The following FAM98A variants were observed in gnomAD, a reference collection of about 807,000 sequenced individuals.
The protein encoded by FAM98A is tRNA splicing ligase complex subunit 3A.
Under a neutral mutation model 62.9 loss-of-function variants are expected in FAM98A, and 25 were observed. The observed-to-expected ratio is 0.40, with a 90% CI of 0.29 to 0.56. The LOEUF (loss-of-function observed/expected upper bound fraction) is 0.56, where lower values mean the gene tolerates loss of function less well. FAM98A is among the 20% of genes least tolerant of loss of function. The pLI is 0.51. For synonymous variants in FAM98A, 252 were observed against 228.6 expected, an observed-to-expected ratio of 1.10 and a Z score of -0.92; for missense variants, 653 against 640.7, an observed-to-expected ratio of 1.02 and a Z score of -0.21.
At chr2:33,588,060 T>C (rs926847651) in intron 4 of FAM98A, 4 of 393,212 alleles carry the variant, frequency 1.0e-5, no homozygotes, top group Non-Finnish European at 1.5e-5. Flanking sequence ...ATCTTAATCC[T>C]TTTTACATTA....
intron 1 of FAM98A, among the ~76,000 whole-genome samples, chr2:33,597,419 CTT>C (rs1178390367): frequency 2.0e-5 from 3 of 152,176 alleles, no homozygotes; most frequent in Non-Finnish European, 2.9e-5. Context: ...TTAAGGCTGA[CTT>C]TTAATATTTG....
Position 33,585,288 on chromosome 2 carries a change from C to T in FAM98A, c.1045G>A (p.Gly349Arg), listed in dbSNP as rs1677519677. ...CCTTGTTCATGACCTCCTCGTCCTC[C>T]GTATGAGGAATGTTCATAGCCACCT... ...GRGGYEHSSY[G>R]GRGGHEQGGG... Residue 349 changes from glycine to arginine, a missense_variant, in exon 8 of 8, where the codon GGA becomes AGA. Physicochemically the swap from Gly to Arg is moderately radical, Grantham distance 125. Coordinates refer to ENST00000238823, the MANE Select transcript of FAM98A (RefSeq NM_015475.5). 1.2e-6 allele frequency: 2 copies of T among 1,613,976 alleles called. No individual in the cohort carries two copies. The highest frequency in any genetic ancestry group is 1.7e-6 in the Non-Finnish European group (2 of 1,179,986).
intron 1 of FAM98A, 103 bp from the exon 2 acceptor site, chr2:33,595,740 A>G: frequency 2.6e-6 from 2 of 784,260 alleles, no homozygotes; most frequent in Non-Finnish European, 1.9e-6. Flanking sequence ...TAATTTAATA[A>G]AGATAAGTTA....
chr2:33,588,908 T>TG (rs2151144367), intron 3 of FAM98A: 1 of 154,416 alleles, frequency 6.5e-6, no homozygotes, highest in Admixed American at 6.5e-5. Flanking sequence ...TAATTTTTTT[T>TG]TTTTAACTTC....
intron 1 of FAM98A, among the ~76,000 whole-genome samples, chr2:33,596,182 G>T (rs1202596273): frequency 6.6e-6 from 1 of 152,052 alleles, no homozygotes; most frequent in Non-Finnish European, 1.5e-5. Flanking sequence ...ATAGCCAGGG[G>T]TCTTACTATG....
At position 33,584,718 on chromosome 2, in the gene FAM98A, G is replaced by T; in HGVS notation, c.*58C>A. ...AATTCAAAATAGGTGCTGAATTCAG[G>T]ATTCTGAAACTAAGTTTCTATTACT... On this transcript the variant is annotated 3_prime_UTR_variant, in exon 8 of 8. Coordinates refer to ENST00000238823, the MANE Select transcript of FAM98A (RefSeq NM_015475.5). The T allele has an allele frequency of 1.4e-6, 2 of 1,446,354 alleles. No homozygotes were observed. The highest frequency in any genetic ancestry group is 9.4e-7 in the Non-Finnish European group (1 of 1,062,412). 89.6% of individuals were successfully genotyped at this position (1,446,354 alleles called of 1,614,324 possible).
At chr2:33,596,285 G>T (rs552148536) in intron 1 of FAM98A, among the ~76,000 whole-genome samples, 2 of 152,132 alleles carry the variant, frequency 1.3e-5, no homozygotes, top group South Asian at 2.1e-4. Flanking sequence ...TTTAATGCCA[G>T]TTAAGACTAG....
chr2:33,591,874 G>C (rs903510148), intron 3 of FAM98A: 1 of 438,130 alleles, frequency 2.3e-6, no homozygotes, highest in South Asian at 4.5e-5. Flanking sequence ...AATATTGAAA[G>C]AGTATCAGTT....
At position 33,584,599 on chromosome 2, in the gene FAM98A, T is replaced by C. The variant is rs1677491264; in HGVS notation, c.*177A>G. 1.5e-5 allele frequency: 9 copies of C among 609,184 alleles called. No homozygotes were observed. Among genetic ancestry groups the C allele is most frequent in the South Asian group, 1.4e-4 (6 of 43,076 alleles). 37.7% of individuals were successfully genotyped at this position (609,184 alleles called of 1,614,324 possible). A position where few individuals can be genotyped will look rare whatever the true frequency, so the allele number is the denominator to read the frequency against. ...TGTGTTTCTCAAATAAACGGCATTA[T>C]GTAAGTCCAATAAAAAAATCTAACA... On this transcript the variant is annotated 3_prime_UTR_variant, in exon 8 of 8. Transcript: ENST00000238823.
rs751106334 is a variant in FAM98A, at chr2:33,585,258, C to T, written c.1075G>A (p.Gly359Arg). ...TCATAGCCACCACGTCCACCTCTCCCGCCTCCTTGTTCATGACCTCCTCGT... is the reference window on the plus strand; with the variant it reads ...TCATAGCCACCACGTCCACCTCTCCTGCCTCCTTGTTCATGACCTCCTCGT... Reference protein sequence around the residue: ...GGRGGHEQGGGRGGRGGYDHG... With the variant: ...GGRGGHEQGGRRGGRGGYDHG... Residue 359 changes from glycine (G) to arginine (R), a missense_variant, in exon 8 of 8, where the codon GGG becomes AGG. Physicochemically the swap from Gly to Arg is moderately radical, Grantham distance 125 (BLOSUM62 -2). Transcript: ENST00000238823. 6.2e-6 allele frequency: 10 copies of T among 1,613,980 alleles called. No individual in the cohort carries two copies. Among genetic ancestry groups the T allele is most frequent in the Middle Eastern group, 1.6e-4 (1 of 6,082 alleles).
chr2:33,591,728 C>T (rs1677675088), intron 3 of FAM98A, among the ~76,000 whole-genome samples: 1 of 152,140 alleles, frequency 6.6e-6, no homozygotes, highest in South Asian at 2.1e-4. Flanking sequence ...TATTTCCATA[C>T]TATCTTCCTA....
intron 3 of FAM98A, chr2:33,589,672 T>A (rs543724978): frequency 1.3e-5 from 2 of 152,176 alleles, no homozygotes; most frequent in African/African-American, 4.8e-5. Context: ...AATCTTAACA[T>A]GTTCCATACA....
chr2:33,590,570 T>C (rs970526754), intron 3 of FAM98A, among the ~76,000 whole-genome samples: 12 of 152,010 alleles, frequency 7.9e-5, no homozygotes, highest in African/African-American at 2.7e-4. Context: ...GAAGCAAAGA[T>C]AAAGAGGGAA....
intron 3 of FAM98A, chr2:33,591,841 G>A (rs188087997): frequency 8.0e-5 from 27 of 338,098 alleles, no homozygotes; most frequent in Admixed American, 4.6e-4. Context: ...GAAGCACAAC[G>A]GCCTGAGTAC....
chr2:33,591,890 A>T (rs1252962377), intron 3 of FAM98A, 190 bp downstream of exon 3: 1 of 466,868 alleles, frequency 2.1e-6, no homozygotes, highest in African/African-American at 1.9e-5. Flanking sequence ...CAGTTACAAA[A>T]ACAATAATGC....
intron 1 of FAM98A, 58 bp downstream of exon 1, chr2:33,599,111 G>C (rs1558552394): frequency 7.8e-6 from 11 of 1,416,264 alleles, no homozygotes; most frequent in Non-Finnish European, 6.0e-6. Context: ...GGCGCAGGAG[G>C]TGTTCCCAGG....
Position 33,586,500 on chromosome 2 carries a change from GTT to G in FAM98A, c.720+60_720+61del, listed in dbSNP as rs1677557732. 8.2e-6 allele frequency: 9 copies of G among 1,103,254 alleles called. No individual in the cohort carries two copies. In the East Asian group the frequency reaches 1.4e-4, roughly 17 times the overall value. 68.3% of individuals were successfully genotyped at this position (1,103,254 alleles called of 1,614,324 possible). On this transcript the variant is annotated intron_variant, in intron 6 of 7. Coordinates refer to ENST00000238823, the MANE Select transcript of FAM98A (RefSeq NM_015475.5). ...CCCATAGTTGCCAAGTAGCTAAATTGTTTAGATGTTCAGGGATCATGTCTATA... is the reference window on the plus strand; with the variant it reads ...CCCATAGTTGCCAAGTAGCTAAATTGTAGATGTTCAGGGATCATGTCTATA...
At chr2:33,596,438 A>T (rs1445910635) in intron 1 of FAM98A, among the ~76,000 whole-genome samples, 4 of 152,208 alleles carry the variant, frequency 2.6e-5, no homozygotes, top group African/African-American at 9.6e-5. Context: ...CATTCATAAA[A>T]GATGACAGTC....
intron 1 of FAM98A, among the ~76,000 whole-genome samples, chr2:33,597,582 A>C (rs1442747644): frequency 6.6e-6 from 1 of 152,176 alleles, no homozygotes; most frequent in Non-Finnish European, 1.5e-5. Context: ...AAAAAGTTAA[A>C]AAAAGGAGGG....
Sources: gnomAD v4.1 joint callset for allele counts (sites outside exome capture counted in the v4.1 genomes callset) on GRCh38, gnomAD v4.1.1 for gene constraint, MANE v1.5 for transcripts, NCBI Gene and HGNC (gene_info 2026-07-23, HGNC 2026-07-21) for gene names.